Variants in SPTLC3 observed in about 807,000 individuals in gnomAD.
SPTLC3 encodes serine palmitoyltransferase 3.
A neutral mutation model predicts 59.3 loss-of-function variants in SPTLC3; 36 were observed. That is an observed-to-expected ratio of 0.61 (90% confidence interval 0.47 to 0.80). The LOEUF (loss-of-function observed/expected upper bound fraction) is 0.80. Ranked by LOEUF, SPTLC3 falls within the 30% of genes least tolerant of loss-of-function variation. The probability of loss-of-function intolerance (pLI) is 0.00; values close to 1 mark genes in which losing one functional copy is unlikely to be tolerated. For synonymous variants in SPTLC3, 257 were observed against 240.8 expected (o/e 1.07, Z -0.62); for missense variants, 625 against 685.1 (o/e 0.91, Z 0.98).
intron 1 of SPTLC3, among the ~76,000 whole-genome samples, chr20:13,020,053 G>A (rs937345800): frequency 1.4e-4 from 21 of 152,196 alleles, no homozygotes; most frequent in South Asian, 8.3e-4. Flanking sequence ...ATAAAACTAG[G>A]CTATTTCTGC....
chr20:13,074,619 GA>G (rs150837910), intron 4 of SPTLC3, 122 bp downstream of exon 4: 10 of 1,080,066 alleles, frequency 9.3e-6, no homozygotes, highest in East Asian at 2.6e-5. Context: ...ACTGCAGAAA[GA>G]AAAAAAAGAG....
chr20:13,091,778 G>T (rs557018890), intron 5 of SPTLC3, among the ~76,000 whole-genome samples: 1 of 152,110 alleles, frequency 6.6e-6, no homozygotes, highest in South Asian at 2.1e-4. Context: ...ATAATTTTGG[G>T]CTCCTGAGTT....
chr20:13,067,908 T>C (rs1306140379), intron 2 of SPTLC3, among the ~76,000 whole-genome samples: 1 of 152,242 alleles, frequency 6.6e-6, no homozygotes, highest in Non-Finnish European at 1.5e-5. Flanking sequence ...AGATTCTTTC[T>C]CACTCTACAA....
Position 13,117,618 on chromosome 20 carries a change from C to A in SPTLC3, c.1045C>A (p.Arg349=), listed in dbSNP as rs370915107. 1 of 1,614,028 alleles carries A rather than the reference C, an allele frequency of 6.2e-7. No individual in the cohort carries two copies. The highest frequency in any genetic ancestry group is 8.5e-7 in the Non-Finnish European group (1 of 1,179,956). The change falls in exon 8 of 12, where the codon CGG becomes AGG. Residue 349 remains arginine, a synonymous_variant. Coordinates refer to ENST00000399002, the MANE Select transcript of SPTLC3 (RefSeq NM_018327.4). ...TATTGGGGCCGTGGGCCCAACCGGC[C>A]GGGGTGTCACGGAGTTCTTTGGACT... ...HSIGAVGPTG[R]GVTEFFGLDP... is the part of the protein sequence containing the mutation.
At chr20:13,024,955 T>G (rs1263151383) in intron 1 of SPTLC3, among the ~76,000 whole-genome samples, 2 of 152,222 alleles carry the variant, frequency 1.3e-5, no homozygotes, top group African/African-American at 4.8e-5. Flanking sequence ...TATAATAGTT[T>G]GATGATCCTT....
At position 13,040,664 on chromosome 20, in the gene SPTLC3, C is replaced by T. The variant is rs1986940459; in HGVS notation, c.118-8281C>T. On this transcript the variant is annotated intron_variant, in intron 1 of 11. Coordinates refer to ENST00000399002, the MANE Select transcript of SPTLC3 (RefSeq NM_018327.4). ...TGAGCCACTTTAATAATTTCATAAT[C>T]ACCTTTGCCTGTGCCCCCTTTTTTT... 2.0e-5 allele frequency among the ~76,000 whole-genome samples: 3 copies of T among 151,874 alleles called. No homozygotes were observed. In the South Asian group the frequency reaches 6.3e-4, roughly 32 times the overall value.
intron 1 of SPTLC3, among the ~76,000 whole-genome samples, chr20:13,012,159 G>A (rs1985287305): frequency 6.6e-6 from 1 of 152,078 alleles, no homozygotes; most frequent in African/African-American, 2.4e-5. Flanking sequence ...CATTTTCCCA[G>A]AAGTAGTTTC....
At chr20:13,074,239 A>C in intron 3 of SPTLC3, 110 bp from the exon 4 acceptor site, 1 of 1,376,862 alleles carries the variant, frequency 7.3e-7, no homozygotes, top group Non-Finnish European at 1.0e-6. Flanking sequence ...CTCCTTGGTC[A>C]CCTCATCCTC....
intron 6 of SPTLC3, among the ~76,000 whole-genome samples, chr20:13,099,531 CAT>C (rs1330604811): frequency 2.0e-5 from 3 of 152,230 alleles, no homozygotes; most frequent in African/African-American, 7.2e-5. Context: ...CACACACCCA[CAT>C]GTTTAATACA....
intron 4 of SPTLC3, chr20:13,079,829 T>C (rs1349278955): frequency 2.2e-6 from 1 of 462,660 alleles, no homozygotes; most frequent in Non-Finnish European, 4.5e-6. Flanking sequence ...GGGGCCACCC[T>C]GGTCATGGAA....
intron 7 of SPTLC3, among the ~76,000 whole-genome samples, chr20:13,113,746 C>A (rs1388457070): frequency 1.3e-5 from 2 of 152,162 alleles, no homozygotes. Context: ...ATAGAAAGCT[C>A]ACAACCAAGA....
At chr20:13,041,832 A>G (rs1285141413) in intron 1 of SPTLC3, among the ~76,000 whole-genome samples, 3 of 152,024 alleles carry the variant, frequency 2.0e-5, no homozygotes, top group Non-Finnish European at 4.4e-5. Context: ...CACAGTGTAA[A>G]ACCTCTAAGG....
intron 9 of SPTLC3, among the ~76,000 whole-genome samples, chr20:13,131,482 C>T (rs977787193): frequency 1.3e-5 from 2 of 152,198 alleles, no homozygotes; most frequent in African/African-American, 4.8e-5. Context: ...ACACACTAAA[C>T]ACTCAATAAA....
At chr20:13,082,609 C>A (rs777148270) in intron 4 of SPTLC3, among the ~76,000 whole-genome samples, 1 of 152,110 alleles carries the variant, frequency 6.6e-6, no homozygotes, top group African/African-American at 2.4e-5. Context: ...ATAGTTGCAA[C>A]AACAACCATA....
chr20:13,034,001 A>G (rs538088293), intron 1 of SPTLC3, among the ~76,000 whole-genome samples: 1 of 152,278 alleles, frequency 6.6e-6, no homozygotes, highest in East Asian at 1.9e-4. Flanking sequence ...GATATGAAGA[A>G]AGGCTAGGAA....
chr20:13,130,126 A>G (rs4814204), intron 9 of SPTLC3, among the ~76,000 whole-genome samples: 35,794 of 152,176 alleles, frequency 0.24, 4,555 homozygotes, highest in South Asian at 0.44. Flanking sequence ...TGAAGCAGTG[A>G]AAGTCATACA....
At chr20:13,088,745 A>G (rs1326331795) in intron 4 of SPTLC3, among the ~76,000 whole-genome samples, 1 of 149,200 alleles carries the variant, frequency 6.7e-6, no homozygotes, top group Non-Finnish European at 1.5e-5. Context: ...CAGCCTCCCA[A>G]GTAGATGGGA....
intron 5 of SPTLC3, among the ~76,000 whole-genome samples, chr20:13,092,955 T>C (rs550475712): frequency 6.6e-6 from 1 of 152,300 alleles, no homozygotes; most frequent in African/African-American, 2.4e-5. Context: ...TGAATTGCCA[T>C]CCATACTTCT....
intron 10 of SPTLC3, among the ~76,000 whole-genome samples, chr20:13,157,858 C>T (rs1453798955): frequency 6.6e-6 from 1 of 152,176 alleles, no homozygotes; most frequent in Non-Finnish European, 1.5e-5. Flanking sequence ...GTATAAGCCA[C>T]TGTGGAAGCA....
Sources: gnomAD v4.1 joint callset for allele counts (sites outside exome capture counted in the v4.1 genomes callset) on GRCh38, gnomAD v4.1.1 for gene constraint, MANE v1.5 for transcripts, NCBI Gene and HGNC (gene_info 2026-07-23, HGNC 2026-07-21) for gene names.